The following CSMD2 variants were observed in gnomAD, a reference collection of about 807,000 sequenced individuals.
CSMD2 encodes CUB and Sushi multiple domains 2.
In CSMD2, 130 loss-of-function variants were observed where a neutral mutation model predicts 398.5. The observed-to-expected ratio is 0.33, with a 90% CI of 0.28 to 0.38. The LOEUF (loss-of-function observed/expected upper bound fraction) is 0.38. Ranked by LOEUF, CSMD2 falls within the 10% of genes least tolerant of loss-of-function variation. The pLI, the probability that CSMD2 is intolerant of heterozygous loss-of-function variation, is 1.00. For missense variants in CSMD2, 3,829 were observed against 4,764.9 expected, an observed-to-expected ratio of 0.80 and a Z score of 5.78; for synonymous variants, 1,828 against 1,908.5, an observed-to-expected ratio of 0.96 and a Z score of 1.10.
intron 24 of CSMD2, among the ~76,000 whole-genome samples, chr1:33,693,266 A>T (rs537045289): frequency 6.6e-6 from 1 of 152,368 alleles, no homozygotes; most frequent in African/African-American, 2.4e-5. Context: ...AAAGACAAGT[A>T]ACCCAATTTA....
At chr1:34,106,680 A>G (rs1420343083) in intron 1 of CSMD2, among the ~76,000 whole-genome samples, 2 of 152,182 alleles carry the variant, frequency 1.3e-5, no homozygotes, top group Non-Finnish European at 2.9e-5. Flanking sequence ...GCTGTGCCTC[A>G]GGGACCTGGA....
chr1:33,811,170 AG>A (rs1168856715), intron 9 of CSMD2, among the ~76,000 whole-genome samples: 1 of 152,106 alleles, frequency 6.6e-6, no homozygotes. Flanking sequence ...CTCTTTGTCA[AG>A]AGGGTGTGGG....
intron 3 of CSMD2, among the ~76,000 whole-genome samples, chr1:33,975,249 T>A (rs966528280): frequency 2.6e-5 from 4 of 152,126 alleles, no homozygotes; most frequent in Non-Finnish European, 5.9e-5. Flanking sequence ...GATCCAGGGG[T>A]ACCCCTCACT....
chr1:33,968,407 T>A (rs1645638108), intron 3 of CSMD2, among the ~76,000 whole-genome samples: 1 of 152,220 alleles, frequency 6.6e-6, no homozygotes, highest in African/African-American at 2.4e-5. Context: ...GTGAGGCCTG[T>A]GATTTGCCTC....
rs960768419 is a variant in CSMD2 at position 33,977,665 on chromosome 1, C to G, written c.518-41711G>C. On this transcript the variant is annotated intron_variant, in intron 3 of 70. Transcript: ENST00000373381. ...CACTGAGCTGTGCTCTTGCCAGCTC[C>G]TGCTCCTGCTGCTGCCTCTGCCTGA... is the stretch of plus-strand genomic sequence containing the variant. 3.9e-5 allele frequency among the ~76,000 whole-genome samples: 6 copies of G among 152,038 alleles called. No homozygotes were observed. The South Asian group carries it at 6.2e-4, about 16-fold the overall frequency.
chr1:33,987,426 G>T (rs988084669), intron 3 of CSMD2, among the ~76,000 whole-genome samples: 1 of 152,114 alleles, frequency 6.6e-6, no homozygotes, highest in Non-Finnish European at 1.5e-5. Flanking sequence ...CTTGCCCAAG[G>T]TCACCCTGCT....
At chr1:33,912,168 C>T (rs1643481539) in intron 5 of CSMD2, among the ~76,000 whole-genome samples, 1 of 151,998 alleles carries the variant, frequency 6.6e-6, no homozygotes, top group South Asian at 2.1e-4. Flanking sequence ...GGGGACTGGG[C>T]CTGGGAGTGT....
intron 3 of CSMD2, among the ~76,000 whole-genome samples, chr1:33,965,965 C>T (rs1008806048): frequency 2.6e-5 from 4 of 152,204 alleles, no homozygotes; most frequent in African/African-American, 9.6e-5. Flanking sequence ...ACGGGAGAAA[C>T]CAGCAGTAAG....
At chr1:34,086,050 C>G (rs1428791508) in intron 2 of CSMD2, among the ~76,000 whole-genome samples, 1 of 149,580 alleles carries the variant, frequency 6.7e-6, no homozygotes, top group Admixed American at 6.6e-5. Flanking sequence ...GAAAGAAAAC[C>G]AAGTGTCAGA....
chr1:33,617,073 G>T, intron 38 of CSMD2, 98 bp from the exon 39 acceptor site: 1 of 868,472 alleles, frequency 1.2e-6, no homozygotes, highest in Non-Finnish European at 1.9e-6. Flanking sequence ...GGGGCCTCAT[G>T]TTAAGGAACA....
At chr1:34,089,295 C>G (rs776831723) in intron 1 of CSMD2, 102 bp from the exon 2 acceptor site, 1 of 1,133,114 alleles carries the variant, frequency 8.8e-7, no homozygotes, top group South Asian at 1.4e-5. Flanking sequence ...CCCACTTTTC[C>G]AAGTGCTTCC....
At chr1:33,810,923 G>GC in intron 9 of CSMD2, 59 bp from the exon 10 acceptor site, 1 of 1,584,244 alleles carries the variant, frequency 6.3e-7, no homozygotes. Flanking sequence ...TCCCCTTCTT[G>GC]CCTCCCACTC....
chr1:33,708,851 T>A (rs927331656), intron 22 of CSMD2, among the ~76,000 whole-genome samples: 1 of 152,148 alleles, frequency 6.6e-6, no homozygotes, highest in Non-Finnish European at 1.5e-5. Context: ...CAACCCATAC[T>A]CAATTACACA....
chr1:34,006,543 G>T (rs2148051869), intron 3 of CSMD2, among the ~76,000 whole-genome samples: 1 of 151,810 alleles, frequency 6.6e-6, no homozygotes, highest in South Asian at 2.1e-4. Context: ...GCCTCAGAAA[G>T]AAATTATTCT....
chr1:34,076,928 A>AT (rs1553305736), intron 2 of CSMD2, among the ~76,000 whole-genome samples: 7 of 53,600 alleles, frequency 1.3e-4, no homozygotes, highest in Non-Finnish European at 1.3e-4. Flanking sequence ...AAAAAAAAAA[A>AT]ATATATATAT....
At chr1:33,966,787 T>A (rs1645572595) in intron 3 of CSMD2, among the ~76,000 whole-genome samples, 2 of 152,112 alleles carry the variant, frequency 1.3e-5, no homozygotes, top group South Asian at 4.2e-4. Context: ...AATTGCTTAT[T>A]GAGTGGGAAT....
intron 46 of CSMD2, among the ~76,000 whole-genome samples, 167 bp downstream of exon 46, chr1:33,586,337 T>A (rs1639078539): frequency 1.3e-5 from 2 of 152,230 alleles, no homozygotes; most frequent in Non-Finnish European, 2.9e-5. Flanking sequence ...GATCACTCAC[T>A]CATTCCTCAT....
At chr1:33,743,657 G>T in intron 13 of CSMD2, 51 bp from the exon 14 acceptor site, 2 of 1,316,710 alleles carry the variant, frequency 1.5e-6, no homozygotes, top group Non-Finnish European at 2.1e-6. Context: ...CATTCTGCCT[G>T]CACCACTGAG....
intron 5 of CSMD2, among the ~76,000 whole-genome samples, chr1:33,853,760 G>A (rs1638877364): frequency 6.6e-6 from 1 of 152,200 alleles, no homozygotes; most frequent in African/African-American, 2.4e-5. Flanking sequence ...TGGCTTCTTT[G>A]GGGGAGGCAG....
Sources: allele counts gnomAD v4.1 joint callset (sites outside exome capture counted in the v4.1 genomes callset), GRCh38; gene constraint gnomAD v4.1.1; transcripts MANE v1.5; gene names NCBI Gene and HGNC (gene_info 2026-07-23, HGNC 2026-07-21).